Variants in SMARCB1 observed in about 807,000 individuals in gnomAD.
The protein encoded by SMARCB1 is SWI/SNF-related matrix-associated actin-dependent regulator of chromatin subfamily B member 1.
Under a neutral mutation model 49.0 loss-of-function variants are expected in SMARCB1, and 5 were observed. That is an observed-to-expected ratio of 0.10 (90% confidence interval 0.05 to 0.21). The LOEUF is 0.21. SMARCB1 is among the 10% of genes least tolerant of loss of function. The pLI is 1.00. For missense variants in SMARCB1, 226 were observed against 509.2 expected, an observed-to-expected ratio of 0.44 and a Z score of 5.35; for synonymous variants, 201 against 200.1, an observed-to-expected ratio of 1.00 and a Z score of -0.04.
intron 7 of SMARCB1, among the ~76,000 whole-genome samples, chr22:23,829,626 G>A (rs927479613): frequency 4.6e-5 from 7 of 152,208 alleles, no homozygotes; most frequent in African/African-American, 1.4e-4. Context: ...AGCTCTGCCC[G>A]CCAGCCCTGG....
At chr22:23,830,441 T>G (rs1841127723) in intron 7 of SMARCB1, among the ~76,000 whole-genome samples, 1 of 152,188 alleles carries the variant, frequency 6.6e-6, no homozygotes, top group South Asian at 2.1e-4. Flanking sequence ...GTGTATCTTC[T>G]TTGGAGAAAG....
Position 23,834,283 on chromosome 22 carries a change from T to G in SMARCB1, c.*103T>G. 1 of 1,300,228 alleles carries G rather than the reference T, an allele frequency of 7.7e-7. No homozygotes were observed. The highest frequency in any genetic ancestry group is 1.5e-5 in the African/African-American group (1 of 67,754). 80.5% of individuals were successfully genotyped at this position (1,300,228 alleles called of 1,614,324 possible). A position where few individuals can be genotyped will look rare whatever the true frequency, so the allele number is the denominator to read the frequency against. On this transcript the variant is annotated 3_prime_UTR_variant, in exon 9 of 9. Coordinates refer to ENST00000644036, the MANE Select transcript of SMARCB1 (RefSeq NM_003073.5). ...GAGGCGAGGGGACAGCCCAGCGCCATCCTGAGGATCGGGTGGGGGTGGAGT... is the reference window on the plus strand; with the variant it reads ...GAGGCGAGGGGACAGCCCAGCGCCAGCCTGAGGATCGGGTGGGGGTGGAGT...
chr22:23,791,123 C>T (rs1453212309), intron 1 of SMARCB1, among the ~76,000 whole-genome samples: 2 of 152,176 alleles, frequency 1.3e-5, no homozygotes, highest in African/African-American at 2.4e-5. Flanking sequence ...AGGGTACCCT[C>T]ATAAAAACTT....
In SMARCB1 at chr22:23,835,024, A is replaced by G. The variant is rs1054410444; in HGVS notation, c.*844A>G. The G allele has an allele frequency of 7.7e-6, 11 of 1,424,340 alleles. No homozygotes were observed. Among genetic ancestry groups the G allele is most frequent in the South Asian group, 1.5e-5 (1 of 66,612 alleles). 88.2% of individuals were successfully genotyped at this position (1,424,340 alleles called of 1,614,324 possible). On this transcript the variant is annotated 3_prime_UTR_variant, in exon 9 of 9. Transcript: ENST00000644036. ...TCTAGCTCCAGTGGCACCCATAGCC[A>G]GGTCAGCTGGGGCCCTTTCCCACCC...
At chr22:23,795,593 T>G (rs1187688592) in intron 3 of SMARCB1, among the ~76,000 whole-genome samples, 1 of 150,924 alleles carries the variant, frequency 6.6e-6, no homozygotes, top group East Asian at 2.0e-4. Context: ...GAGGCGGAGG[T>G]TGCGGTGAGC....
In SMARCB1 at chr22:23,835,237, G is replaced by T; in HGVS notation, c.*1057G>T. The T allele has an allele frequency of 8.5e-7, 1 of 1,174,788 alleles. No homozygotes were observed. The highest frequency in any genetic ancestry group is 1.1e-6 in the Non-Finnish European group (1 of 951,088). The allele number at this position is 1,174,788 out of a possible 1,614,324, so 72.8% of individuals were successfully genotyped here. ...CCCCTCTGTTCTCATCTGTAATAGG[G>T]AGGTGTCCCCATTCTTCAGAATGGA... On this transcript the variant is annotated 3_prime_UTR_variant, in exon 9 of 9. Transcript: ENST00000644036.
At position 23,837,939 on chromosome 22, in the gene SMARCB1, C is replaced by A; in HGVS notation, c.*3759C>A. ...CTTCCCAAGACCCTGGAATTCTTCC[C>A]CTCATCTCCCCTATGTGCTATTCCC... is the stretch of plus-strand genomic sequence containing the variant. On this transcript the variant is annotated 3_prime_UTR_variant, in exon 9 of 9. Coordinates refer to ENST00000644036, the MANE Select transcript of SMARCB1 (RefSeq NM_003073.5). 4 of 1,361,388 alleles carry A rather than the reference C, an allele frequency of 2.9e-6. No homozygotes were observed. In the South Asian group the frequency reaches 4.1e-5, roughly 14 times the overall value. The allele number at this position is 1,361,388 out of a possible 1,614,324, so 84.3% of individuals were successfully genotyped here.
chr22:23,816,544 C>G, intron 5 of SMARCB1: 1 of 624,544 alleles, frequency 1.6e-6, no homozygotes, highest in South Asian at 1.9e-5. Flanking sequence ...CCATGACCAC[C>G]CCCAGGGCAT....
chr22:23,835,124 C>T lies in SMARCB1; in HGVS notation c.*944C>T. 2 of 1,370,716 alleles carry T rather than the reference C, an allele frequency of 1.5e-6. No homozygotes were observed. Among genetic ancestry groups the T allele is most frequent in the South Asian group, 1.8e-5 (1 of 55,318 alleles). 84.9% of individuals were successfully genotyped at this position (1,370,716 alleles called of 1,614,324 possible). On this transcript the variant is annotated 3_prime_UTR_variant, in exon 9 of 9. Transcript: ENST00000644036. ...AGGAATATGGGAATAGCCCTCCCGGCCTGGTGCCAGCTCTTGGAGTTGACA... is the reference window on the plus strand; with the variant it reads ...AGGAATATGGGAATAGCCCTCCCGGTCTGGTGCCAGCTCTTGGAGTTGACA...
At chr22:23,832,665 T>TG (rs1292415078) in intron 7 of SMARCB1, among the ~76,000 whole-genome samples, 1 of 149,232 alleles carries the variant, frequency 6.7e-6, no homozygotes, top group Admixed American at 6.6e-5. Context: ...CTCTCAGAGG[T>TG]GGGGGTGACG....
chr22:23,825,836 C>T (rs34690107), intron 7 of SMARCB1: 2,013 of 182,328 alleles, frequency 0.011, 52 homozygotes, highest in African/African-American at 0.044. Context: ...CACAAAGGCC[C>T]GCCCAGCTTT....
intron 6 of SMARCB1, among the ~76,000 whole-genome samples, chr22:23,821,879 A>G (rs1472576537): frequency 6.6e-6 from 1 of 151,670 alleles, no homozygotes; most frequent in African/African-American, 2.4e-5. Context: ...AAAAAAAAGA[A>G]AAAAGAGAAA....
chr22:23,809,703 G>A (rs914834931), intron 5 of SMARCB1, among the ~76,000 whole-genome samples: 11 of 151,668 alleles, frequency 7.3e-5, no homozygotes, highest in Non-Finnish European at 1.0e-4. Context: ...GAGCCACCGC[G>A]CCCAGCCGAA....
chr22:23,788,492 ACCT>A (rs1172546094), intron 1 of SMARCB1, among the ~76,000 whole-genome samples: 1 of 144,500 alleles, frequency 6.9e-6, no homozygotes, highest in Non-Finnish European at 1.5e-5. Context: ...TGCAGCCTTG[ACCT>A]CCTGGGCTCA....
chr22:23,821,431 T>C (rs1188376105), intron 6 of SMARCB1, among the ~76,000 whole-genome samples: 1 of 151,424 alleles, frequency 6.6e-6, no homozygotes, highest in Non-Finnish European at 1.5e-5. Flanking sequence ...TCCTTCCTTT[T>C]TTTTCATGGC....
chr22:23,826,368 T>C (rs569328806), intron 7 of SMARCB1: 1 of 148,882 alleles, frequency 6.7e-6, no homozygotes, highest in East Asian at 2.0e-4. Context: ...GAGGCTGCAG[T>C]GAGCCAAGAT....
chr22:23,791,937 C>A, intron 2 of SMARCB1, 43 bp downstream of exon 2: 2 of 1,601,596 alleles, frequency 1.2e-6, no homozygotes, highest in African/African-American at 1.3e-5. Context: ...CAAAACCACT[C>A]GCTTATGTCA....
At chr22:23,791,727 T>TA in intron 1 of SMARCB1, 29 bp from the exon 2 acceptor site, 1 of 1,612,144 alleles carries the variant, frequency 6.2e-7, no homozygotes, top group African/African-American at 1.3e-5. Flanking sequence ...CTGCGACCCT[T>TA]ATAATGAGCC....
At chr22:23,793,328 C>T in intron 2 of SMARCB1, 2 of 614,284 alleles carry the variant, frequency 3.3e-6, no homozygotes, top group East Asian at 6.0e-5. Flanking sequence ...GCTCCTGGGG[C>T]AGATTAGTCC....
Sources: gnomAD v4.1 joint callset for allele counts (sites outside exome capture counted in the v4.1 genomes callset) on GRCh38, gnomAD v4.1.1 for gene constraint, MANE v1.5 for transcripts, NCBI Gene and HGNC (gene_info 2026-07-23, HGNC 2026-07-21) for gene names.